SLTM: variants seen among roughly 807,000 people sequenced by gnomAD.
SLTM encodes SAFB-like transcription modulator.
Under a neutral mutation model 134.6 loss-of-function variants are expected in SLTM, and 43 were observed. The observed-to-expected ratio is 0.32, with a 90% CI of 0.25 to 0.41. SLTM has a LOEUF of 0.41. SLTM is among the 10% of genes least tolerant of loss of function. The pLI, the probability that SLTM is intolerant of heterozygous loss-of-function variation, is 1.00. For missense variants in SLTM, 1,055 were observed against 1,288.8 expected (o/e 0.82, Z 2.78); for synonymous variants, 424 against 432.3 (o/e 0.98, Z 0.24).
In SLTM at chr15:58,899,716, T is replaced by C. The variant is rs1369593786; in HGVS notation, c.811A>G (p.Ile271Val). 3 of 1,614,176 alleles carry C rather than the reference T, an allele frequency of 1.9e-6. No individual in the cohort carries two copies. The highest frequency in any genetic ancestry group is 2.5e-6 in the Non-Finnish European group (3 of 1,180,004). The part of the protein sequence containing the change: ...DLLETGKNVK[I>V]TDSEASKPKD... ...GGCTTACTTGCTTCAGAATCTGTAA[T>C]TTTCACATTTTTACCTGTTTCTAGG... The change falls in exon 7 of 21, where the codon ATT becomes GTT. Residue 271 changes from isoleucine (I) to valine (V), a missense_variant. By Grantham distance (29) the Ile-to-Val change is conservative (BLOSUM62 3). This residue lies in a region of SLTM where 11 missense variants were observed against 42.3 expected (regional missense o/e 0.26). Coordinates refer to ENST00000380516, the MANE Select transcript of SLTM (RefSeq NM_024755.4). The surrounding 1 kb of genome is among the most constrained non-coding windows in gnomAD (Gnocchi z 5.0).
chr15:58,897,937 C>G (rs2035212898), intron 8 of SLTM: 1 of 152,096 alleles, frequency 6.6e-6, no homozygotes, highest in South Asian at 2.1e-4. Flanking sequence ...CAGGCCTAGC[C>G]AGTCACCCTT....
chr15:58,924,419 GT>G (rs2037320238), intron 2 of SLTM, among the ~76,000 whole-genome samples: 1 of 152,164 alleles, frequency 6.6e-6, no homozygotes, highest in Non-Finnish European at 1.5e-5. Context: ...TCTGAGATAT[GT>G]TTCAGAATTC....
chr15:58,925,181 T>C (rs1402856962), intron 2 of SLTM, among the ~76,000 whole-genome samples: 3 of 151,988 alleles, frequency 2.0e-5, no homozygotes, highest in Non-Finnish European at 2.9e-5. Flanking sequence ...CTCTTCCCAA[T>C]TGCATGGAGT....
At chr15:58,896,344 A>G (rs2035074932) in intron 9 of SLTM, among the ~76,000 whole-genome samples, 1 of 152,140 alleles carries the variant, frequency 6.6e-6, no homozygotes, top group Admixed American at 6.5e-5. Flanking sequence ...GGATCACCTG[A>G]AGCCAGGAGT....
chr15:58,912,162 C>T lies in SLTM; in HGVS notation c.561+401G>A, dbSNP rs1237256871. ...TCGCCCAGGCTGGAGTGCAGTGGTGCAATCTCGGCTCACTGCAAGCTCCAC... is the reference window on the plus strand; with the variant it reads ...TCGCCCAGGCTGGAGTGCAGTGGTGTAATCTCGGCTCACTGCAAGCTCCAC... On this transcript the variant is annotated intron_variant, in intron 5 of 20. Transcript: ENST00000380516. Among the ~76,000 whole-genome samples, 4 of 149,310 alleles carry T rather than the reference C, an allele frequency of 2.7e-5. No individual in the cohort carries two copies. The South Asian group carries it at 6.3e-4, about 24-fold the overall frequency.
At position 58,899,494 on chromosome 15, in the gene SLTM, T is replaced by A; in HGVS notation, c.1033A>T (p.Thr345Ser). Residue 345 changes from threonine (T) to serine (S), a missense_variant, in exon 7 of 21, where the codon ACT (threonine) becomes TCT (serine). Thr to Ser is a moderately conservative substitution (Grantham distance 58). Transcript: ENST00000380516. This position sits in a 1 kb window ranked among gnomAD's most constrained non-coding sequence, Gnocchi z 5.0. ...KDTLKKGPSSTGASGQAKSSS... is the reference protein window; with the variant it reads ...KDTLKKGPSSSGASGQAKSSS... The stretch of plus-strand genomic sequence containing the variant: ...CTCTTTGCTTGACCAGAGGCCCCAG[T>A]AGACGAGGGCCCTTTCTTCAAAGTA... The A allele has an allele frequency of 6.2e-7, 1 of 1,614,118 alleles. No homozygotes were observed. The highest frequency in any genetic ancestry group is 8.5e-7 in the Non-Finnish European group (1 of 1,179,966).
chr15:58,932,861 G>C (rs1349735030), intron 1 of SLTM, among the ~76,000 whole-genome samples: 2 of 152,192 alleles, frequency 1.3e-5, no homozygotes, highest in Non-Finnish European at 2.9e-5. Flanking sequence ...GAAAGAAAAA[G>C]TAATTATTGC....
At chr15:58,924,452 A>T (rs2037320859) in intron 2 of SLTM, among the ~76,000 whole-genome samples, 1 of 152,246 alleles carries the variant, frequency 6.6e-6, no homozygotes, top group African/African-American at 2.4e-5. Flanking sequence ...ATTTTAGAAG[A>T]GTAAAACGTT....
intron 5 of SLTM, among the ~76,000 whole-genome samples, chr15:58,911,519 G>A (rs1319407022): frequency 6.6e-6 from 1 of 151,820 alleles, no homozygotes. Flanking sequence ...CCTTCACGGG[G>A]GATGCATGCA....
At chr15:58,896,982 C>A (rs1320737021) in intron 9 of SLTM, 133 bp downstream of exon 9, 21 of 582,746 alleles carry the variant, frequency 3.6e-5, no homozygotes, top group Non-Finnish European at 3.1e-6. Context: ...CCACAGAACT[C>A]AATAATTATG....
chr15:58,926,954 G>T (rs2037514487), intron 2 of SLTM, among the ~76,000 whole-genome samples: 1 of 152,058 alleles, frequency 6.6e-6, no homozygotes, highest in Non-Finnish European at 1.5e-5. Flanking sequence ...CTAATTTTGT[G>T]AAATGAAAAT....
At chr15:58,884,071 C>G (rs1285270401) in intron 19 of SLTM, among the ~76,000 whole-genome samples, 1 of 150,024 alleles carries the variant, frequency 6.7e-6, no homozygotes. Flanking sequence ...TGCACTCCAG[C>G]TTGGGCAACA....
intron 2 of SLTM, among the ~76,000 whole-genome samples, chr15:58,927,321 G>T (rs2037547229): frequency 6.6e-6 from 1 of 152,124 alleles, no homozygotes; most frequent in Non-Finnish European, 1.5e-5. Flanking sequence ...CCAAGCTGGA[G>T]TGCAATGGCG....
intron 20 of SLTM, among the ~76,000 whole-genome samples, chr15:58,881,041 G>C (rs575462355): frequency 1.3e-5 from 2 of 152,036 alleles, no homozygotes; most frequent in Admixed American, 6.6e-5. Flanking sequence ...TTAACAGGCC[G>C]GGCGCAGTGG....
chr15:58,879,842 C>A lies in SLTM; in HGVS notation c.*157G>T. ...AGTTACAACAGAACTATTTAAACATCTTCTCCAAAATTGAGAAAAGCAATC... is the reference window on the plus strand; with the variant it reads ...AGTTACAACAGAACTATTTAAACATATTCTCCAAAATTGAGAAAAGCAATC... On this transcript the variant is annotated 3_prime_UTR_variant, in exon 21 of 21. Transcript: ENST00000380516. 1 of 918,554 alleles carries A rather than the reference C, an allele frequency of 1.1e-6. No individual in the cohort carries two copies. Among genetic ancestry groups the A allele is most frequent in the Non-Finnish European group, 1.5e-6 (1 of 647,030 alleles). 56.9% of individuals were successfully genotyped at this position (918,554 alleles called of 1,614,324 possible).
At chr15:58,930,175 G>C (rs1352183954) in intron 2 of SLTM, among the ~76,000 whole-genome samples, 3 of 151,810 alleles carry the variant, frequency 2.0e-5, no homozygotes, top group Non-Finnish European at 4.4e-5. Flanking sequence ...AGTGACCTTA[G>C]CTCACTGCAA....
At chr15:58,903,486 A>G (rs2035634789) in intron 5 of SLTM, among the ~76,000 whole-genome samples, 1 of 148,118 alleles carries the variant, frequency 6.8e-6, no homozygotes, top group Admixed American at 6.8e-5. Context: ...GCTTGTTAAA[A>G]CAAAACACAG....
chr15:58,920,260 G>T (rs908918276), intron 2 of SLTM, among the ~76,000 whole-genome samples: 10 of 151,894 alleles, frequency 6.6e-5, no homozygotes, highest in Non-Finnish European at 1.3e-4. Flanking sequence ...AGTGGAGGTT[G>T]CGGTAAGCTG....
At chr15:58,912,122 CAG>C (rs1350296395) in intron 5 of SLTM, among the ~76,000 whole-genome samples, 2 of 141,930 alleles carry the variant, frequency 1.4e-5, no homozygotes, top group East Asian at 4.1e-4. Context: ...TTTTTTGAGA[CAG>C]AGTCTCACTC....
Sources: gnomAD v4.1 joint callset for allele counts (sites outside exome capture counted in the v4.1 genomes callset) on GRCh38, gnomAD v4.1.1 for gene constraint, gnomAD v4.1.1 regional missense constraint, Gnocchi (gnomAD v3.1) non-coding constraint, MANE v1.5 for transcripts, NCBI Gene and HGNC (gene_info 2026-07-23, HGNC 2026-07-21) for gene names.